Variants in METTL15 observed in about 807,000 individuals in gnomAD.
The protein encoded by METTL15 is 12S rRNA N(4)-cytidine methyltransferase METTL15.
Under a neutral mutation model 38.3 loss-of-function variants are expected in METTL15, and 34 were observed. The observed-to-expected ratio is 0.89, with a 90% CI of 0.68 to 1.18. METTL15 has a LOEUF of 1.18. Among genes scored for constraint, METTL15 ranks in the 50% most tolerant of loss-of-function variants. The pLI, the probability that METTL15 is intolerant of heterozygous loss-of-function variation, is 0.00. For missense variants in METTL15, 438 were observed against 498.4 expected, an observed-to-expected ratio of 0.88 and a Z score of 1.15; for synonymous variants, 162 against 170.9, an observed-to-expected ratio of 0.95 and a Z score of 0.41.
intron 3 of METTL15, among the ~76,000 whole-genome samples, chr11:28,117,227 A>G (rs1382571756): frequency 6.8e-4 from 25 of 36,806 alleles, no homozygotes; most frequent in Non-Finnish European, 1.2e-3. Flanking sequence ...ATATACACCT[A>G]TATATGTATG....
intron 6 of METTL15, among the ~76,000 whole-genome samples, chr11:28,480,309 A>G (rs1851384537): frequency 6.6e-6 from 1 of 152,228 alleles, no homozygotes; most frequent in Admixed American, 6.5e-5. Flanking sequence ...TACCAACACA[A>G]CGTTACTGAA....
intron 4 of METTL15, among the ~76,000 whole-genome samples, chr11:28,267,782 A>G (rs1199173011): frequency 6.6e-6 from 1 of 152,260 alleles, no homozygotes; most frequent in Non-Finnish European, 1.5e-5. Context: ...ACACATATAC[A>G]TCTCCTGCTC....
At chr11:28,129,962 A>G (rs1852686987) in intron 3 of METTL15, among the ~76,000 whole-genome samples, 1 of 152,106 alleles carries the variant, frequency 6.6e-6, no homozygotes, top group Non-Finnish European at 1.5e-5. Flanking sequence ...TAATTGATGG[A>G]GAAAAAGCTA....
At chr11:28,173,077 ATTTAT>A (rs1038415154) in intron 3 of METTL15, among the ~76,000 whole-genome samples, 9 of 152,106 alleles carry the variant, frequency 5.9e-5, no homozygotes, top group African/African-American at 2.2e-4. Context: ...CTTTTTTGAT[ATTTAT>A]TTTTTAAAAA....
intron 6 of METTL15, among the ~76,000 whole-genome samples, chr11:28,473,586 C>T (rs1325708733): frequency 1.3e-5 from 2 of 152,058 alleles, no homozygotes; most frequent in African/African-American, 4.8e-5. Context: ...CTCTTGAGAG[C>T]TCAGAAAAGT....
chr11:28,148,400 A>G (rs1849963740), intron 3 of METTL15, among the ~76,000 whole-genome samples: 1 of 151,526 alleles, frequency 6.6e-6, no homozygotes. Context: ...ATTCCCTGCT[A>G]TTTTTCTTGT....
intron 6 of METTL15, among the ~76,000 whole-genome samples, chr11:28,457,289 C>G (rs992776252): frequency 1.3e-5 from 2 of 152,114 alleles, no homozygotes; most frequent in Non-Finnish European, 2.9e-5. Flanking sequence ...TAGATTTCAT[C>G]CTTATGTTTG....
intron 3 of METTL15, among the ~76,000 whole-genome samples, chr11:28,162,059 T>A (rs1850485093): frequency 6.6e-6 from 1 of 152,194 alleles, no homozygotes; most frequent in South Asian, 2.1e-4. Flanking sequence ...TTTTCACATA[T>A]TTCTCTCAAA....
intron 4 of METTL15, among the ~76,000 whole-genome samples, chr11:28,286,399 C>G (rs1856263847): frequency 6.6e-6 from 1 of 152,078 alleles, no homozygotes; most frequent in Non-Finnish European, 1.5e-5. Flanking sequence ...TATAAACTAC[C>G]ATGGATGTGA....
chr11:28,363,961 T>G (rs1850163630), intron 5 of METTL15, among the ~76,000 whole-genome samples: 1 of 152,186 alleles, frequency 6.6e-6, no homozygotes. Context: ...TGCTTGTTTT[T>G]GTTGATTTTG....
intron 5 of METTL15, among the ~76,000 whole-genome samples, chr11:28,417,755 G>T (rs769974683): frequency 6.6e-6 from 1 of 152,122 alleles, no homozygotes; most frequent in African/African-American, 2.4e-5. Flanking sequence ...CCACTGAGGG[G>T]CAGGTGGCTG....
chr11:28,113,394 A>T lies in METTL15; in HGVS notation c.60A>T (p.Glu20Asp). The T allele has an allele frequency of 6.3e-7, 1 of 1,595,420 alleles. No homozygotes were observed. The change falls in exon 3 of 7, where the codon GAA becomes GAT. Residue 20 changes from glutamate (E) to aspartate (D), a missense_variant. Coordinates refer to ENST00000407364, the MANE Select transcript of METTL15 (RefSeq NM_001113528.2). The part of the protein sequence containing the change: ...MYKECLSCWL[E>D]SGIPNLGVWP... ...AAGAATGCCTTTCATGTTGGTTGGA[A>T]TCTGGCATACCTAATTTAGGTGTCT...
In METTL15 at chr11:28,274,745, A is replaced by T. The variant is rs574354834; in HGVS notation, c.408-15461A>T. On this transcript the variant is annotated intron_variant, in intron 4 of 6. Coordinates refer to ENST00000407364, the MANE Select transcript of METTL15 (RefSeq NM_001113528.2). ...TTGTATGTAGTTTTGCTTTTTCTTTATTTAAATTGAATTTAAAGTGCCATT... is the reference window on the plus strand; with the variant it reads ...TTGTATGTAGTTTTGCTTTTTCTTTTTTTAAATTGAATTTAAAGTGCCATT... Among the ~76,000 whole-genome samples, 10 of 151,800 alleles carry T rather than the reference A, an allele frequency of 6.6e-5. No homozygotes were observed. In the South Asian group the frequency reaches 2.1e-3, roughly 31 times the overall value.
At chr11:28,188,953 T>C (rs532790903) in intron 3 of METTL15, among the ~76,000 whole-genome samples, 7 of 151,420 alleles carry the variant, frequency 4.6e-5, no homozygotes, top group African/African-American at 1.7e-4. Context: ...CTATTCATCC[T>C]AGGTAACTTT....
At chr11:28,378,951 A>G (rs1850352801) in intron 5 of METTL15, among the ~76,000 whole-genome samples, 1 of 151,850 alleles carries the variant, frequency 6.6e-6, no homozygotes. Flanking sequence ...CAGTCCTGGT[A>G]AGTTGTATAT....
At chr11:28,386,990 A>G (rs1191794238) in intron 5 of METTL15, among the ~76,000 whole-genome samples, 1 of 152,004 alleles carries the variant, frequency 6.6e-6, no homozygotes, top group Middle Eastern at 3.2e-3. Flanking sequence ...AGGGAATTCA[A>G]AAATATCTTG....
chr11:28,202,884 C>G (rs747412953), intron 3 of METTL15, among the ~76,000 whole-genome samples: 1 of 152,060 alleles, frequency 6.6e-6, no homozygotes, highest in East Asian at 1.9e-4. Flanking sequence ...ATTTTAAGAT[C>G]TGCCCTCATA....
intron 6 of METTL15, among the ~76,000 whole-genome samples, chr11:28,445,370 CT>C (rs1851066686): frequency 6.6e-6 from 1 of 151,948 alleles, no homozygotes; most frequent in African/African-American, 2.4e-5. Flanking sequence ...TACTTAATGC[CT>C]TAGTTTCTTT....
downstream of METTL15, among the ~76,000 whole-genome samples, chr11:28,335,007 C>T (rs1462208889): frequency 6.6e-6 from 1 of 152,130 alleles, no homozygotes; most frequent in Non-Finnish European, 1.5e-5. Context: ...AAGTTTTCTA[C>T]TATTAGCTGT....
Sources: allele counts gnomAD v4.1 joint callset (sites outside exome capture counted in the v4.1 genomes callset), GRCh38; gene constraint gnomAD v4.1.1; transcripts MANE v1.5; gene names NCBI Gene and HGNC (gene_info 2026-07-23, HGNC 2026-07-21).